Variants in LYZL2 observed in about 807,000 individuals in gnomAD.
LYZL2 encodes the protein lysozyme-like protein 2.
Under a neutral mutation model 17.1 loss-of-function variants are expected in LYZL2, and 13 were observed. The observed-to-expected ratio is 0.76, with a 90% CI of 0.49 to 1.21. The LOEUF is 1.21. Among genes scored for constraint, LYZL2 ranks in the 50% most tolerant of loss-of-function variants. LYZL2 has a pLI of 0.00. For missense variants in LYZL2, 166 were observed against 189.2 expected (o/e 0.88, Z 0.72); for synonymous variants, 63 against 74.4 (o/e 0.85, Z 0.79).
In LYZL2 at chr10:30,611,883, T is replaced by A. The variant is rs1288871215; in HGVS notation, c.*72A>T. The A allele has an allele frequency of 1.6e-5, 25 of 1,610,726 alleles. No homozygotes were observed. In the Admixed American group the frequency reaches 4.2e-4, roughly 27 times the overall value. ...AATATTGGGAGGAAACGGGACAAGA[T>A]GACACAGGCATTTGGACATTCACTG... On this transcript the variant is annotated 3_prime_UTR_variant, in exon 5 of 5. Transcript: ENST00000647634.
chr10:30,613,818 C>G (rs553015816), intron 3 of LYZL2, among the ~76,000 whole-genome samples: 104 of 152,280 alleles, frequency 6.8e-4, no homozygotes, highest in African/African-American at 2.4e-3. Context: ...TGGCCTCAAG[C>G]AATACTTCCA....
chr10:30,613,911 G>T (rs1838488292), intron 3 of LYZL2, among the ~76,000 whole-genome samples: 1 of 152,050 alleles, frequency 6.6e-6, no homozygotes, highest in African/African-American at 2.4e-5. Flanking sequence ...TAGAGACAGG[G>T]TTTCACCAGG....
downstream of LYZL2, among the ~76,000 whole-genome samples, chr10:30,609,643 G>T (rs1171279332): frequency 6.6e-6 from 1 of 152,224 alleles, no homozygotes; most frequent in East Asian, 1.9e-4. Flanking sequence ...ATACCCAAGA[G>T]TCTGCTCAGT....
In LYZL2 at chr10:30,612,868, T is replaced by C; in HGVS notation, c.331A>G (p.Ile111Val). The change falls in exon 4 of 5, where the codon ATC becomes GTC. Residue 111 changes from isoleucine (I) to valine (V), a missense_variant. This residue lies in a region of LYZL2 where 134 missense variants were observed against 129.4 expected (regional missense o/e 1.04). Transcript: ENST00000647634. ...TCTTTAACAATTTTCTTGGCACAGATAATCGCATCTGTGAGGTCATCAGTG... is the reference window on the plus strand; with the variant it reads ...TCTTTAACAATTTTCTTGGCACAGACAATCGCATCTGTGAGGTCATCAGTG... Reference protein sequence around the residue: ...LVTDDLTDAIICAKKIVKETQ... With the variant: ...LVTDDLTDAIVCAKKIVKETQ... 6.2e-7 allele frequency: 1 copy of C among 1,613,938 alleles called. No homozygotes were observed. The highest frequency in any genetic ancestry group is 8.5e-7 in the Non-Finnish European group (1 of 1,179,796).
intron 1 of LYZL2, among the ~76,000 whole-genome samples, chr10:30,627,633 G>C (rs773704804): frequency 2.0e-5 from 3 of 151,922 alleles, no homozygotes; most frequent in African/African-American, 4.8e-5. Flanking sequence ...GACATAGAAC[G>C]TACAAAATAT....
At chr10:30,619,095 A>G (rs1317164488) in intron 3 of LYZL2, among the ~76,000 whole-genome samples, 2 of 152,276 alleles carry the variant, frequency 1.3e-5, no homozygotes, top group Non-Finnish European at 2.9e-5. Flanking sequence ...ATCACTGGCC[A>G]TCAGAGAAAT....
downstream of LYZL2, among the ~76,000 whole-genome samples, chr10:30,608,102 T>A (rs1838395908): frequency 6.6e-6 from 1 of 152,118 alleles, no homozygotes; most frequent in Non-Finnish European, 1.5e-5. Context: ...ACCACCACAC[T>A]TGGCTAATTT....
At chr10:30,625,050 C>G (rs530288857) in intron 3 of LYZL2, among the ~76,000 whole-genome samples, 19 of 152,054 alleles carry the variant, frequency 1.2e-4, no homozygotes, top group African/African-American at 3.4e-4. Flanking sequence ...TTCGACACCC[C>G]CAAGGAACTG....
intron 4 of LYZL2, 43 bp from the exon 5 acceptor site, chr10:30,612,067 C>T (rs746227432): frequency 6.2e-7 from 1 of 1,602,640 alleles, no homozygotes; most frequent in African/African-American, 1.3e-5. Flanking sequence ...AGAAGCGTGA[C>T]AATCCAAACC....
chr10:30,621,778 G>A (rs767545303), intron 3 of LYZL2, among the ~76,000 whole-genome samples: 5 of 152,248 alleles, frequency 3.3e-5, no homozygotes, highest in Admixed American at 2.0e-4. Flanking sequence ...GAAGGAAAAC[G>A]ATATCAATTA....
At chr10:30,610,583 T>C (rs1838420201), downstream of LYZL2, among the ~76,000 whole-genome samples, 1 of 152,110 alleles carries the variant, frequency 6.6e-6, no homozygotes, top group East Asian at 1.9e-4. Context: ...TTAGGACAAA[T>C]ACCTAATGCA....
At chr10:30,612,113 TCGC>T in intron 4 of LYZL2, 89 bp from the exon 5 acceptor site, 2 of 1,485,466 alleles carry the variant, frequency 1.3e-6, no homozygotes, top group Non-Finnish European at 1.9e-6. Context: ...TTAACCAAAA[TCGC>T]CAGCGGAACC....
At chr10:30,620,941 A>G (rs116810538) in intron 3 of LYZL2, among the ~76,000 whole-genome samples, 1 of 152,170 alleles carries the variant, frequency 6.6e-6, no homozygotes, top group Non-Finnish European at 1.5e-5. Context: ...AGGGAAAAAT[A>G]CTAAAAAACG....
intron 1 of LYZL2, 44 bp from the exon 2 acceptor site, chr10:30,626,984 A>C: frequency 6.2e-7 from 1 of 1,608,738 alleles, no homozygotes; most frequent in South Asian, 1.1e-5. Context: ...TTGATTCAGG[A>C]ACTTCGAAAT....
chr10:30,615,584 T>G (rs1256100127), intron 3 of LYZL2, among the ~76,000 whole-genome samples: 1 of 152,184 alleles, frequency 6.6e-6, no homozygotes, highest in Non-Finnish European at 1.5e-5. Context: ...ACAGTAATTA[T>G]GTGAGGTAAT....
chr10:30,607,970 G>A (rs1037889807), downstream of LYZL2, among the ~76,000 whole-genome samples: 2 of 152,154 alleles, frequency 1.3e-5, no homozygotes, highest in Admixed American at 1.3e-4. Context: ...TACGTATCTT[G>A]CTGTGTTGCC....
At chr10:30,612,950 G>A in intron 3 of LYZL2, 50 bp from the exon 4 acceptor site, 1 of 1,431,286 alleles carries the variant, frequency 7.0e-7, no homozygotes, top group South Asian at 1.2e-5. Flanking sequence ...TTGTTGGAGA[G>A]GGACCCCAAC....
chr10:30,611,946 A>G lies in LYZL2; in HGVS notation c.*9T>C, dbSNP rs945187580. The G allele has an allele frequency of 1.9e-6, 3 of 1,614,088 alleles. No homozygotes were observed. Among genetic ancestry groups the G allele is most frequent in the Non-Finnish European group, 2.5e-6 (3 of 1,180,044 alleles). On this transcript the variant is annotated 3_prime_UTR_variant, in exon 5 of 5. Transcript: ENST00000647634. ...CGTTGCTGCAAAGCATCCTGGGTCC[A>G]GTTCCAGTTTAGGAAACCTCACAGT...
chr10:30,608,567 T>C (rs959445744), downstream of LYZL2, among the ~76,000 whole-genome samples: 1 of 152,172 alleles, frequency 6.6e-6, no homozygotes, highest in African/African-American at 2.4e-5. Context: ...GTCATTGAGT[T>C]CTGAAGATCC....
Sources: gnomAD v4.1 joint callset for allele counts (sites outside exome capture counted in the v4.1 genomes callset) on GRCh38, gnomAD v4.1.1 for gene constraint, gnomAD v4.1.1 regional missense constraint, MANE v1.5 for transcripts, NCBI Gene and HGNC (gene_info 2026-07-23, HGNC 2026-07-21) for gene names.